Variants in FAM117B observed in about 807,000 individuals in gnomAD.
FAM117B encodes the protein family with sequence similarity 117 member B.
FAM117B carries 22 observed loss-of-function variants against 52.8 expected under a neutral mutation model. That is an observed-to-expected ratio of 0.42 (90% CI 0.30 to 0.59). The LOEUF (loss-of-function observed/expected upper bound fraction) is 0.59, where lower values mean the gene tolerates loss of function less well. FAM117B is among the 20% of genes least tolerant of loss of function. The pLI is 0.22. For missense variants in FAM117B, 678 were observed against 802.6 expected, an observed-to-expected ratio of 0.84 and a Z score of 1.88; for synonymous variants, 309 against 324.1, an observed-to-expected ratio of 0.95 and a Z score of 0.50.
intron 4 of FAM117B, among the ~76,000 whole-genome samples, chr2:202,742,599 T>A (rs7340312): frequency 0.49 from 73,672 of 151,630 alleles, 18,596 homozygotes; most frequent in Middle Eastern, 0.62. Flanking sequence ...AGTGAATTCT[T>A]CTGTAATCTC....
At chr2:202,763,959 C>A (rs1477016091) in intron 7 of FAM117B, among the ~76,000 whole-genome samples, 4 of 152,164 alleles carry the variant, frequency 2.6e-5, no homozygotes, top group Admixed American at 6.5e-5. Context: ...TACCTGTAAA[C>A]CTTTTTATAA....
rs574443752 is a variant in FAM117B at position 202,727,736 on chromosome 2, T to C, written c.960+1373T>C. On this transcript the variant is annotated intron_variant, in intron 4 of 7. Coordinates refer to ENST00000392238, the MANE Select transcript of FAM117B (RefSeq NM_173511.4). ...GAGGGGGGTCCTGTCCTGGAACCAG[T>C]CTTCTGAAATTGAGTAGTTGAAACA... is the stretch of plus-strand genomic sequence containing the variant. 3.9e-5 allele frequency among the ~76,000 whole-genome samples: 6 copies of C among 152,274 alleles called. No homozygotes were observed. The South Asian group carries it at 1.2e-3, about 32-fold the overall frequency.
intron 2 of FAM117B, among the ~76,000 whole-genome samples, chr2:202,715,485 G>T (rs1245462578): frequency 6.6e-6 from 1 of 151,248 alleles, no homozygotes; most frequent in Non-Finnish European, 1.5e-5. Context: ...TCCCAGACAG[G>T]GTGGCGGGGC....
intron 1 of FAM117B, among the ~76,000 whole-genome samples, chr2:202,687,598 T>C (rs1690563069): frequency 2.0e-5 from 3 of 152,078 alleles, no homozygotes. Flanking sequence ...TTTATAGAGA[T>C]GGGGGTCTTA....
At position 202,671,174 on chromosome 2, in the gene FAM117B, T is replaced by G. The variant is rs143648709; in HGVS notation, c.602-24707T>G. 4.7e-3 allele frequency among the ~76,000 whole-genome samples: 713 copies of G among 152,366 alleles called. 7 individuals carry two copies. The highest frequency in any genetic ancestry group is 0.016 in the African/African-American group (678 of 41,590). ...ATAAACACCGTTTTGAGATTAATGC[T>G]ACATGGTGTTTTAATTTGGGTTCCA... On this transcript the variant is annotated intron_variant, in intron 1 of 7. Transcript: ENST00000392238.
intron 1 of FAM117B, among the ~76,000 whole-genome samples, chr2:202,639,671 G>A (rs914450966): frequency 1.3e-4 from 20 of 152,166 alleles, no homozygotes; most frequent in African/African-American, 4.3e-4. Flanking sequence ...ATGTGATATG[G>A]AAAGTTATTT....
At chr2:202,691,861 A>G (rs1195713007) in intron 1 of FAM117B, among the ~76,000 whole-genome samples, 3 of 152,216 alleles carry the variant, frequency 2.0e-5, no homozygotes, top group Non-Finnish European at 4.4e-5. Context: ...AAATGAGTAT[A>G]TACTGCATTT....
intron 1 of FAM117B, among the ~76,000 whole-genome samples, chr2:202,678,594 T>C (rs898737488): frequency 6.6e-6 from 1 of 152,142 alleles, no homozygotes; most frequent in African/African-American, 2.4e-5. Flanking sequence ...AGTTTCACTC[T>C]TGTTGCCCAG....
intron 1 of FAM117B, among the ~76,000 whole-genome samples, chr2:202,644,623 A>C (rs1351697815): frequency 6.6e-6 from 1 of 152,218 alleles, no homozygotes; most frequent in Non-Finnish European, 1.5e-5. Context: ...TTTTTGAGAG[A>C]GGATACATGG....
rs1465768729 is a variant in FAM117B, at chr2:202,635,002, CGG to C, written c.-185_-184del. On this transcript the variant is annotated 5_prime_UTR_variant, in exon 1 of 8. Transcript: ENST00000392238. ...CACTATTGTTGATGAGGAGCGGCGG[CGG>C]CGGCGGCGGCGGCTGCACCACCTCG... Among the ~76,000 whole-genome samples, 6 of 150,582 alleles carry C rather than the reference CGG, an allele frequency of 4.0e-5. No homozygotes were observed. Among genetic ancestry groups the C allele is most frequent in the Non-Finnish European group, 8.9e-5 (6 of 67,060 alleles).
chr2:202,765,647 T>C lies in FAM117B; in HGVS notation c.1653T>C (p.Ala551=). ...GMTTTLLQPI[A]VASLSTNTEQ... Reference sequence around the variant, plus strand: ...CAACCACTCTGCTGCAGCCTATTGCTGTGGCCTCCCTGTCTACAAACACAG... The same window carrying C: ...CAACCACTCTGCTGCAGCCTATTGCCGTGGCCTCCCTGTCTACAAACACAG... Residue 551 remains alanine (A), a synonymous_variant, in exon 8 of 8, where the codon GCT becomes GCC. Coordinates refer to ENST00000392238, the MANE Select transcript of FAM117B (RefSeq NM_173511.4). The C allele has an allele frequency of 6.2e-7, 1 of 1,614,204 alleles. No homozygotes were observed. Among genetic ancestry groups the C allele is most frequent in the Non-Finnish European group, 8.5e-7 (1 of 1,180,046 alleles).
intron 7 of FAM117B, among the ~76,000 whole-genome samples, chr2:202,764,822 T>C (rs565656160): frequency 6.6e-6 from 1 of 152,368 alleles, no homozygotes; most frequent in East Asian, 1.9e-4. Context: ...AGTTTTCATT[T>C]TGATTTCACA....
At chr2:202,732,579 G>A (rs1239579533) in intron 4 of FAM117B, among the ~76,000 whole-genome samples, 3 of 152,152 alleles carry the variant, frequency 2.0e-5, no homozygotes, top group Non-Finnish European at 2.9e-5. Flanking sequence ...AGCACTTTGG[G>A]AGGCCAAGTT....
chr2:202,651,761 A>G (rs1285222224), intron 1 of FAM117B, among the ~76,000 whole-genome samples: 1 of 151,944 alleles, frequency 6.6e-6, no homozygotes, highest in East Asian at 1.9e-4. Flanking sequence ...ATTTAATTAT[A>G]TTTTCCTATT....
In FAM117B at chr2:202,752,999, C is replaced by T. The variant is rs145046424; in HGVS notation, c.961-2539C>T. Among the ~76,000 whole-genome samples the T allele has an allele frequency of 4.2e-3, 637 of 152,240 alleles. 5 individuals carry two copies. The highest frequency in any genetic ancestry group is 0.011 in the African/African-American group (445 of 41,542). On this transcript the variant is annotated intron_variant, in intron 4 of 7. Coordinates refer to ENST00000392238, the MANE Select transcript of FAM117B (RefSeq NM_173511.4). ...ATCAAACTACCATTGACATTCTTTACAGAATTAGAAAAACTATTTTAAATT... is the reference window on the plus strand; with the variant it reads ...ATCAAACTACCATTGACATTCTTTATAGAATTAGAAAAACTATTTTAAATT...
intron 1 of FAM117B, among the ~76,000 whole-genome samples, chr2:202,664,294 G>A (rs996233382): frequency 1.3e-5 from 2 of 152,176 alleles, no homozygotes; most frequent in African/African-American, 2.4e-5. Context: ...ACTGCCATTT[G>A]TGTATATGGT....
In FAM117B at chr2:202,765,663, A is replaced by G. The variant is rs751804142; in HGVS notation, c.1669A>G (p.Thr557Ala). The change falls in exon 8 of 8, where the codon ACA (threonine) becomes GCA (alanine). Residue 557 changes from threonine to alanine, a missense_variant. Coordinates refer to ENST00000392238, the MANE Select transcript of FAM117B (RefSeq NM_173511.4). ...GCCTATTGCTGTGGCCTCCCTGTCT[A>G]CAAACACAGAGCAAGACCGAGTCTC... Reference protein sequence around the residue: ...LQPIAVASLSTNTEQDRVSRG... With the variant: ...LQPIAVASLSANTEQDRVSRG... 3.1e-6 allele frequency: 5 copies of G among 1,614,090 alleles called. No individual in the cohort carries two copies. Among genetic ancestry groups the G allele is most frequent in the Non-Finnish European group, 4.2e-6 (5 of 1,180,004 alleles).
At chr2:202,715,713 T>C (rs1178662320) in intron 2 of FAM117B, among the ~76,000 whole-genome samples, 1 of 152,152 alleles carries the variant, frequency 6.6e-6, no homozygotes, top group Non-Finnish European at 1.5e-5. Flanking sequence ...CTCGGCACTT[T>C]GGGAGGCCAA....
In FAM117B at chr2:202,690,426, A is replaced by G. The variant is rs574989076; in HGVS notation, c.602-5455A>G. Among the ~76,000 whole-genome samples, 8 of 152,272 alleles carry G rather than the reference A, an allele frequency of 5.3e-5. No homozygotes were observed. In the South Asian group the frequency reaches 1.7e-3, roughly 32 times the overall value. On this transcript the variant is annotated intron_variant, in intron 1 of 7. Coordinates refer to ENST00000392238, the MANE Select transcript of FAM117B (RefSeq NM_173511.4). ...ATTGCCTGTATCAGGGTTTGCCTTAATCACTGGGATGGGGGGTGGGAAGTA... is the reference window on the plus strand; with the variant it reads ...ATTGCCTGTATCAGGGTTTGCCTTAGTCACTGGGATGGGGGGTGGGAAGTA...
Sources: gnomAD v4.1 joint callset for allele counts (sites outside exome capture counted in the v4.1 genomes callset) on GRCh38, gnomAD v4.1.1 for gene constraint, MANE v1.5 for transcripts, NCBI Gene and HGNC (gene_info 2026-07-23, HGNC 2026-07-21) for gene names.